The following NXPE2 variants were observed in gnomAD, a reference collection of about 807,000 sequenced individuals.
The protein encoded by NXPE2 is NXPE family member 2.
NXPE2 carries 34 observed loss-of-function variants against 34.4 expected under a neutral mutation model. The observed-to-expected ratio is 0.99, with a 90% CI of 0.75 to 1.31. The LOEUF is 1.31. Among genes scored for constraint, NXPE2 ranks in the 40% most tolerant of loss-of-function variants. The probability of loss-of-function intolerance (pLI) is 0.00; values close to 1 mark genes in which losing one functional copy is unlikely to be tolerated. For missense variants in NXPE2, 649 were observed against 672.5 expected, an observed-to-expected ratio of 0.97 and a Z score of 0.39; for synonymous variants, 235 against 231.3, an observed-to-expected ratio of 1.02 and a Z score of -0.15.
At chr11:114,687,741 A>C (rs1951075161) in intron 2 of NXPE2, among the ~76,000 whole-genome samples, 1 of 151,960 alleles carries the variant, frequency 6.6e-6, no homozygotes, top group African/African-American at 2.4e-5. Context: ...TGAGCAAGGG[A>C]TGTTTTTCCA....
chr11:114,795,986 G>C, the NXPE2 span, among the ~76,000 whole-genome samples: 15 of 152,260 alleles, frequency 9.9e-5, no homozygotes, highest in African/African-American at 3.6e-4. Context: ...CTCCTATTCA[G>C]TACCTAGAAT....
the NXPE2 span, among the ~76,000 whole-genome samples, chr11:114,602,304 T>C: frequency 8.6e-6 from 1 of 115,928 alleles, no homozygotes; most frequent in African/African-American, 3.2e-5. Flanking sequence ...TAACATATAC[T>C]ATATATAATA....
chr11:114,739,117 T>C, the NXPE2 span, among the ~76,000 whole-genome samples: 19,331 of 152,160 alleles, frequency 0.13, 1,543 homozygotes, highest in African/African-American at 0.22. Context: ...CAAAGCAAGC[T>C]CTCAGCCTGC....
At chr11:114,665,461 A>G in the NXPE2 span, among the ~76,000 whole-genome samples, 1 of 152,216 alleles carries the variant, frequency 6.6e-6, no homozygotes, top group Non-Finnish European at 1.5e-5. Context: ...TCCATATGCC[A>G]GTCCTTAATA....
the NXPE2 span, chr11:114,582,187 G>T: frequency 7.7e-7 from 1 of 1,291,010 alleles, no homozygotes; most frequent in Non-Finnish European, 1.1e-6. Flanking sequence ...TCTTACTAAA[G>T]ACACCCAAAA....
At chr11:114,702,075 C>T (rs1229812057) in intron 3 of NXPE2, among the ~76,000 whole-genome samples, 1 of 152,100 alleles carries the variant, frequency 6.6e-6, no homozygotes, top group African/African-American at 2.4e-5. Flanking sequence ...ATATTTATTT[C>T]TTCAAATTAA....
At chr11:114,493,636 T>C in the NXPE2 span, among the ~76,000 whole-genome samples, 1 of 152,206 alleles carries the variant, frequency 6.6e-6, no homozygotes, top group Non-Finnish European at 1.5e-5. Context: ...CTTCTTGCTT[T>C]TTAACTTTTT....
the NXPE2 span, among the ~76,000 whole-genome samples, chr11:114,786,182 CG>C: frequency 2.0e-5 from 3 of 152,152 alleles, no homozygotes; most frequent in Admixed American, 6.5e-5. Context: ...CCCTGCATTG[CG>C]GTGCTGATCC....
chr11:114,511,768 A>G, the NXPE2 span, among the ~76,000 whole-genome samples: 2 of 152,090 alleles, frequency 1.3e-5, no homozygotes, highest in Admixed American at 1.3e-4. Context: ...TTTGAGTGGT[A>G]CTGAGTTTAG....
At chr11:114,594,178 A>T in the NXPE2 span, among the ~76,000 whole-genome samples, 1 of 152,134 alleles carries the variant, frequency 6.6e-6, no homozygotes, top group African/African-American at 2.4e-5. Flanking sequence ...CTAAAAGAGT[A>T]TAATTGTCTT....
At chr11:114,729,042 C>T in the NXPE2 span, among the ~76,000 whole-genome samples, 1 of 151,888 alleles carries the variant, frequency 6.6e-6, no homozygotes, top group South Asian at 2.1e-4. Context: ...GAGCATGGTA[C>T]CCAATAGTTT....
chr11:114,806,018 A>T, the NXPE2 span, among the ~76,000 whole-genome samples: 20 of 152,300 alleles, frequency 1.3e-4, 1 homozygote, highest in South Asian at 1.0e-3. Context: ...ACGATCAGGC[A>T]GCAGCATTTG....
At chr11:114,488,079 C>T in the NXPE2 span, among the ~76,000 whole-genome samples, 1 of 151,838 alleles carries the variant, frequency 6.6e-6, no homozygotes, top group African/African-American at 2.4e-5. Flanking sequence ...AGTAAGATTG[C>T]TATTCATTCT....
the NXPE2 span, among the ~76,000 whole-genome samples, chr11:114,517,367 T>C: frequency 2.0e-5 from 3 of 152,282 alleles, no homozygotes; most frequent in East Asian, 5.8e-4. Flanking sequence ...AGAAGTTCCA[T>C]GATTATTCTC....
At chr11:114,713,903 G>A in the NXPE2 span, among the ~76,000 whole-genome samples, 8 of 152,314 alleles carry the variant, frequency 5.3e-5, no homozygotes, top group African/African-American at 1.7e-4. Flanking sequence ...TACAGCATGA[G>A]TTTTCAATGA....
chr11:114,526,771 A>C, the NXPE2 span: 1 of 152,228 alleles, frequency 6.6e-6, no homozygotes, highest in Admixed American at 6.5e-5. Flanking sequence ...TACTTCTAAC[A>C]AGGAATAATT....
the NXPE2 span, among the ~76,000 whole-genome samples, chr11:114,550,013 C>T: frequency 5.9e-5 from 9 of 151,976 alleles, no homozygotes; most frequent in East Asian, 9.6e-4. Context: ...ATTTAGCACA[C>T]GTGTCCAAGA....
At chr11:114,631,274 A>T in the NXPE2 span, among the ~76,000 whole-genome samples, 1 of 151,516 alleles carries the variant, frequency 6.6e-6, no homozygotes, top group Admixed American at 6.6e-5. Context: ...GAACCAACCA[A>T]AATGTCCAAC....
chr11:114,545,445 A>G, the NXPE2 span, among the ~76,000 whole-genome samples: 79 of 152,308 alleles, frequency 5.2e-4, 2 homozygotes, highest in African/African-American at 1.9e-3. Flanking sequence ...GCATAATGCT[A>G]AGAGAAAGAA....
Sources: gnomAD v4.1 joint callset for allele counts (sites outside exome capture counted in the v4.1 genomes callset) on GRCh38, gnomAD v4.1.1 for gene constraint, MANE v1.5 for transcripts, NCBI Gene and HGNC (gene_info 2026-07-23, HGNC 2026-07-21) for gene names.